PLPPR1: variants seen among roughly 807,000 people sequenced by gnomAD.
The protein encoded by PLPPR1 is phospholipid phosphatase related 1.
PLPPR1 carries 10 observed loss-of-function variants against 33.1 expected under a neutral mutation model. The ratio of observed to expected loss-of-function variants is 0.30; its 90% CI spans 0.19 to 0.51. The LOEUF (loss-of-function observed/expected upper bound fraction) is 0.51. Among genes scored for constraint, PLPPR1 ranks in the 20% least tolerant of loss-of-function variants. The probability of loss-of-function intolerance (pLI) is 0.97; values close to 1 mark genes in which losing one functional copy is unlikely to be tolerated. For missense variants in PLPPR1, 304 were observed against 408.1 expected (o/e 0.74, Z 2.20); for synonymous variants, 151 against 151.0 (o/e 1.00, Z 0.00).
At chr9:101,123,842 A>G (rs1357748767) in intron 1 of PLPPR1, among the ~76,000 whole-genome samples, 1 of 152,144 alleles carries the variant, frequency 6.6e-6, no homozygotes, top group Non-Finnish European at 1.5e-5. Flanking sequence ...CCCTGGGCTT[A>G]GATTATAGTG....
At chr9:101,203,282 G>A (rs1826524641) in intron 2 of PLPPR1, among the ~76,000 whole-genome samples, 1 of 152,068 alleles carries the variant, frequency 6.6e-6, no homozygotes, top group East Asian at 1.9e-4. Flanking sequence ...AGTAATTGCT[G>A]TTTTTGCCAT....
intron 1 of PLPPR1, among the ~76,000 whole-genome samples, chr9:101,109,178 C>A (rs71509724): frequency 0.017 from 2,403 of 143,240 alleles, 43 homozygotes; most frequent in African/African-American, 0.043. Context: ...GGGGTTTCAC[C>A]GTAGCCAGGA....
At chr9:101,152,518 T>C (rs1831602591) in intron 1 of PLPPR1, among the ~76,000 whole-genome samples, 1 of 152,236 alleles carries the variant, frequency 6.6e-6, no homozygotes, top group Non-Finnish European at 1.5e-5. Context: ...CTTCTAGGGT[T>C]TTTATGGCTT....
intron 4 of PLPPR1, among the ~76,000 whole-genome samples, chr9:101,308,580 T>C (rs987494308): frequency 2.6e-5 from 4 of 152,200 alleles, no homozygotes; most frequent in Non-Finnish European, 4.4e-5. Flanking sequence ...TTTAACACTT[T>C]TCCTTTATTC....
At chr9:101,038,879 T>C (rs979566025) in intron 1 of PLPPR1, among the ~76,000 whole-genome samples, 3 of 151,296 alleles carry the variant, frequency 2.0e-5, no homozygotes, top group Non-Finnish European at 4.4e-5. Context: ...ATTCTCACAA[T>C]AGAATAACAC....
chr9:101,072,569 A>G (rs1830493388), intron 1 of PLPPR1, among the ~76,000 whole-genome samples: 1 of 152,132 alleles, frequency 6.6e-6, no homozygotes, highest in African/African-American at 2.4e-5. Context: ...GAGAAAGATT[A>G]ACTGAGGGAA....
At chr9:101,096,507 T>G (rs773237678) in intron 1 of PLPPR1, among the ~76,000 whole-genome samples, 2 of 152,162 alleles carry the variant, frequency 1.3e-5, no homozygotes, top group Non-Finnish European at 1.5e-5. Context: ...AAGACCTGAG[T>G]GAACATGTGT....
intron 2 of PLPPR1, among the ~76,000 whole-genome samples, chr9:101,225,021 G>T (rs960233435): frequency 6.6e-6 from 1 of 152,026 alleles, no homozygotes; most frequent in East Asian, 1.9e-4. Context: ...TTGGAACTTC[G>T]GTGATACTTT....
intron 1 of PLPPR1, among the ~76,000 whole-genome samples, chr9:101,174,311 A>G (rs1319303572): frequency 1.3e-5 from 2 of 152,174 alleles, no homozygotes; most frequent in Non-Finnish European, 2.9e-5. Flanking sequence ...AAGTCATTCT[A>G]ATTTTGAACG....
At chr9:101,296,287 A>C (rs1205163369) in intron 4 of PLPPR1, among the ~76,000 whole-genome samples, 1 of 151,936 alleles carries the variant, frequency 6.6e-6, no homozygotes, top group East Asian at 1.9e-4. Flanking sequence ...ATCATTAAAA[A>C]GTCAGGAAAC....
At chr9:101,088,133 C>T (rs1354896377) in intron 1 of PLPPR1, among the ~76,000 whole-genome samples, 3 of 152,172 alleles carry the variant, frequency 2.0e-5, no homozygotes, top group Non-Finnish European at 4.4e-5. Flanking sequence ...TCCTTATCCT[C>T]ATGGAAATGA....
rs1447220212 is a variant in PLPPR1, at chr9:101,290,953, C to T, written c.385+4717C>T. On this transcript the variant is annotated intron_variant, in intron 4 of 7. Transcript: ENST00000374874. The stretch of plus-strand genomic sequence containing the variant: ...TGGGCGCAGGACAGTGGGTGCAGCG[C>T]ACCAAGCGCGAGCCAAAGTAGGGCG... Among the ~76,000 whole-genome samples, 7 of 152,212 alleles carry T rather than the reference C, an allele frequency of 4.6e-5. No homozygotes were observed. The East Asian group carries it at 9.6e-4, about 21-fold the overall frequency.
intron 2 of PLPPR1, among the ~76,000 whole-genome samples, chr9:101,204,668 A>C (rs1826555881): frequency 2.0e-5 from 3 of 152,102 alleles, no homozygotes; most frequent in Non-Finnish European, 4.4e-5. Flanking sequence ...GGAGTACTGA[A>C]TGGATTTCTA....
Position 101,056,900 on chromosome 9 carries a change from A to G in PLPPR1, c.-46+27798A>G, listed in dbSNP as rs534943666. Among the ~76,000 whole-genome samples, 9 of 152,194 alleles carry G rather than the reference A, an allele frequency of 5.9e-5. No individual in the cohort carries two copies. In the East Asian group the frequency reaches 1.7e-3, roughly 29 times the overall value. On this transcript the variant is annotated intron_variant, in intron 1 of 7. Transcript: ENST00000374874. ...GGAGTGGTAGGGAGGGAGGAATTCT[A>G]AAGTCTGAGGGTTATTCTCCACTGC...
chr9:101,039,244 G>A (rs1830047399), intron 1 of PLPPR1, among the ~76,000 whole-genome samples: 1 of 152,118 alleles, frequency 6.6e-6, no homozygotes, highest in African/African-American at 2.4e-5. Flanking sequence ...GCTGAGCTCT[G>A]CCATCCACTA....
At chr9:101,159,078 T>C (rs1029587709) in intron 1 of PLPPR1, among the ~76,000 whole-genome samples, 1 of 152,326 alleles carries the variant, frequency 6.6e-6, no homozygotes, top group Non-Finnish European at 1.5e-5. Flanking sequence ...ATCTTACATA[T>C]GCAATTGATA....
At chr9:101,225,414 C>G (rs1400656694) in intron 2 of PLPPR1, among the ~76,000 whole-genome samples, 1 of 152,120 alleles carries the variant, frequency 6.6e-6, no homozygotes, top group East Asian at 1.9e-4. Context: ...AGAGCCATGC[C>G]TCACCTCTCT....
At chr9:101,202,209 C>CTTGG (rs1167932416) in intron 2 of PLPPR1, among the ~76,000 whole-genome samples, 4 of 152,086 alleles carry the variant, frequency 2.6e-5, no homozygotes, top group Non-Finnish European at 5.9e-5. Context: ...AAATTAAGAC[C>CTTGG]TTGGTTGGTT....
chr9:101,305,374 C>T (rs1012583517), intron 4 of PLPPR1, among the ~76,000 whole-genome samples: 14 of 152,188 alleles, frequency 9.2e-5, no homozygotes, highest in African/African-American at 3.1e-4. Flanking sequence ...TTTTCACTGT[C>T]GTCATGTATG....
Sources: allele counts gnomAD v4.1 joint callset (sites outside exome capture counted in the v4.1 genomes callset), GRCh38; gene constraint gnomAD v4.1.1; transcripts MANE v1.5; gene names NCBI Gene and HGNC (gene_info 2026-07-23, HGNC 2026-07-21).